The following FOXP2 variants were observed in gnomAD, a reference collection of about 807,000 sequenced individuals.
FOXP2 encodes forkhead box protein P2.
Under a neutral mutation model 115.8 loss-of-function variants are expected in FOXP2, and 12 were observed. The observed-to-expected ratio is 0.10, with a 90% CI of 0.07 to 0.17. The LOEUF (loss-of-function observed/expected upper bound fraction) is 0.17, where lower values mean the gene tolerates loss of function less well. FOXP2 is among the 10% of genes least tolerant of loss of function. The pLI, the probability that FOXP2 is intolerant of heterozygous loss-of-function variation, is 1.00. For synonymous variants in FOXP2, 328 were observed against 297.7 expected, an observed-to-expected ratio of 1.10 and a Z score of -1.05; for missense variants, 629 against 843.5, an observed-to-expected ratio of 0.75 and a Z score of 3.15.
Position 114,285,825 on chromosome 7 carries a change from T to G in FOXP2, c.-101-2194T>G, listed in dbSNP as rs186637717. Among the ~76,000 whole-genome samples the G allele has an allele frequency of 4.7e-3, 720 of 152,172 alleles. 8 individuals are homozygous for G. Among genetic ancestry groups the G allele is most frequent in the African/African-American group, 0.016 (678 of 41,572 alleles). On this transcript the variant is annotated intron_variant, in intron 1 of 17. Coordinates refer to the FOXP2 transcript ENST00000634411. ...TGCTCATTTTTCTATTGGTTTCCTC[T>G]GAATATATAAGTATATGTTAACCAG... is the stretch of plus-strand genomic sequence containing the variant.
intron 2 of FOXP2, among the ~76,000 whole-genome samples, chr7:114,446,261 G>A (rs1794832519): frequency 6.6e-6 from 1 of 151,878 alleles, no homozygotes; most frequent in African/African-American, 2.4e-5. Flanking sequence ...AAGTTATTTA[G>A]TAACATTCAT....
intron 2 of FOXP2, among the ~76,000 whole-genome samples, chr7:114,516,268 C>T (rs1798338124): frequency 1.3e-5 from 2 of 152,066 alleles, no homozygotes; most frequent in African/African-American, 4.8e-5. Flanking sequence ...TATCTACAAC[C>T]ATCTGATCTT....
intron 2 of FOXP2, among the ~76,000 whole-genome samples, chr7:114,474,657 A>G (rs1419481769): frequency 6.6e-6 from 1 of 152,188 alleles, no homozygotes; most frequent in African/African-American, 2.4e-5. Context: ...AATTTTTACC[A>G]AAGGACTTGC....
intron 2 of FOXP2, among the ~76,000 whole-genome samples, chr7:114,511,704 G>T (rs1798088043): frequency 6.6e-6 from 1 of 152,086 alleles, no homozygotes; most frequent in Admixed American, 6.6e-5. Context: ...TAACTTTAAT[G>T]AAGGATATTC....
intron 1 of FOXP2, among the ~76,000 whole-genome samples, chr7:114,138,565 G>A (rs189493194): frequency 1.3e-5 from 2 of 151,918 alleles, no homozygotes; most frequent in East Asian, 3.9e-4. Flanking sequence ...CTAATTTTTT[G>A]TATTTTTTGT....
intron 1 of FOXP2, among the ~76,000 whole-genome samples, chr7:114,426,056 C>G (rs181071791): frequency 1.3e-4 from 19 of 151,710 alleles, no homozygotes; most frequent in Non-Finnish European, 2.5e-4. Context: ...AAACAACAGC[C>G]TTGCATAAGA....
At position 114,457,777 on chromosome 7, in the gene FOXP2, A is replaced by G. The variant is rs570202865; in HGVS notation, c.168+31098A>G. ...GCCAGGCGTGGTGGCAGGTGCCTGT[A>G]GTCCCAGCTATTGGGGAGGCTGAGG... On this transcript the variant is annotated intron_variant, in intron 2 of 16. Coordinates refer to ENST00000350908, the MANE Select transcript of FOXP2 (RefSeq NM_014491.4). Among the ~76,000 whole-genome samples the G allele has an allele frequency of 1.2e-4, 18 of 152,146 alleles. No individual in the cohort carries two copies. In the South Asian group the frequency reaches 3.5e-3, roughly 30 times the overall value.
intron 16 of FOXP2, among the ~76,000 whole-genome samples, chr7:114,685,196 A>G (rs903611375): frequency 6.6e-6 from 1 of 152,168 alleles, no homozygotes; most frequent in Non-Finnish European, 1.5e-5. Context: ...CAAATTGGCT[A>G]TGGAACATTT....
intron 2 of FOXP2, among the ~76,000 whole-genome samples, chr7:114,492,736 T>G (rs1361576126): frequency 6.6e-6 from 1 of 152,230 alleles, no homozygotes; most frequent in Non-Finnish European, 1.5e-5. Flanking sequence ...GTGAGTTTCT[T>G]AATACTGAGT....
At chr7:114,558,060 G>A (rs1286215261) in intron 3 of FOXP2, among the ~76,000 whole-genome samples, 1 of 152,066 alleles carries the variant, frequency 6.6e-6, no homozygotes, top group Non-Finnish European at 1.5e-5. Context: ...ACCCACCTTG[G>A]CCTCCCAAAG....
intron 1 of FOXP2, among the ~76,000 whole-genome samples, chr7:114,201,964 T>A (rs1794078725): frequency 6.6e-6 from 1 of 152,210 alleles, no homozygotes; most frequent in Admixed American, 6.5e-5. Context: ...AAACAAGATA[T>A]CTTCCCTGGA....
chr7:114,510,951 A>C (rs1462488610), intron 2 of FOXP2, among the ~76,000 whole-genome samples: 1 of 152,340 alleles, frequency 6.6e-6, no homozygotes, highest in East Asian at 1.9e-4. Flanking sequence ...ACTTGGAACC[A>C]ACCCAAATGC....
At chr7:114,088,401 A>G (rs373275798) in intron 1 of FOXP2, 1 of 152,288 alleles carries the variant, frequency 6.6e-6, no homozygotes, top group African/African-American at 2.4e-5. Flanking sequence ...TCCAGAGTCT[A>G]CTTGGAAGAA....
At position 114,309,780 on chromosome 7, in the gene FOXP2, T is replaced by G. The variant is rs1262059566; in HGVS notation, c.-11+21671T>G. Among the ~76,000 whole-genome samples the G allele has an allele frequency of 2.6e-5, 4 of 151,888 alleles. No homozygotes were observed. In the East Asian group the frequency reaches 7.7e-4, roughly 29 times the overall value. ...TCTTGGGCTCACGTGATCCTCCAGC[T>G]TCAGCCTCCTAAAGACTGAGACTAC... On this transcript the variant is annotated intron_variant, in intron 2 of 17. Coordinates refer to the FOXP2 transcript ENST00000634411.
intron 12 of FOXP2, 56 bp from the exon 13 acceptor site, chr7:114,659,516 C>A: frequency 1.3e-6 from 2 of 1,578,634 alleles, no homozygotes; most frequent in Non-Finnish European, 1.7e-6. Flanking sequence ...AAAGTGTCAT[C>A]TAGTCTAGTT....
intron 1 of FOXP2, among the ~76,000 whole-genome samples, chr7:114,242,246 G>T (rs1480982619): frequency 6.6e-6 from 1 of 151,836 alleles, no homozygotes; most frequent in Non-Finnish European, 1.5e-5. Context: ...TTATATGAAA[G>T]ATGTTTAAAT....
chr7:114,490,006 G>A (rs961973124), intron 2 of FOXP2, among the ~76,000 whole-genome samples: 8 of 152,088 alleles, frequency 5.3e-5, no homozygotes, highest in Admixed American at 2.6e-4. Context: ...AGCCACTTCC[G>A]AAGTCAGTTT....
chr7:114,564,189 A>T (rs1800889556), intron 3 of FOXP2, among the ~76,000 whole-genome samples: 1 of 152,152 alleles, frequency 6.6e-6, no homozygotes, highest in Non-Finnish European at 1.5e-5. Flanking sequence ...TACTCCTACC[A>T]AAACTATCAC....
chr7:114,509,340 T>C (rs547426039), intron 2 of FOXP2, among the ~76,000 whole-genome samples: 3 of 152,092 alleles, frequency 2.0e-5, no homozygotes, highest in Admixed American at 1.3e-4. Context: ...TGGAGTGCAA[T>C]AAGTTTTAAA....
Sources: gnomAD v4.1 joint callset for allele counts (sites outside exome capture counted in the v4.1 genomes callset) on GRCh38, gnomAD v4.1.1 for gene constraint, MANE v1.5 for transcripts, NCBI Gene and HGNC (gene_info 2026-07-23, HGNC 2026-07-21) for gene names.